The following KITLG variants were observed in gnomAD, a reference collection of about 807,000 sequenced individuals.
KITLG encodes the protein c-Kit ligand.
Under a neutral mutation model 34.1 loss-of-function variants are expected in KITLG, and 13 were observed. The ratio of observed to expected loss-of-function variants is 0.38; its 90% CI spans 0.25 to 0.61. The LOEUF is 0.61. Ranked by LOEUF, KITLG falls within the 20% of genes least tolerant of loss-of-function variation. The pLI, the probability that KITLG is intolerant of heterozygous loss-of-function variation, is 0.60. For missense variants in KITLG, 292 were observed against 318.9 expected (o/e 0.92, Z 0.64); for synonymous variants, 110 against 104.0 (o/e 1.06, Z -0.35).
chr12:88,503,353 G>A (rs1207513257), intron 9 of KITLG, among the ~76,000 whole-genome samples: 2 of 152,206 alleles, frequency 1.3e-5, no homozygotes, highest in Non-Finnish European at 2.9e-5. Flanking sequence ...TGGGACAGGA[G>A]TTAAAGCTGG....
intron 1 of KITLG, among the ~76,000 whole-genome samples, chr12:88,557,883 A>T (rs1411510798): frequency 6.6e-6 from 1 of 152,326 alleles, no homozygotes; most frequent in East Asian, 1.9e-4. Flanking sequence ...AGGGTTGTAC[A>T]TCACCCTGAT....
chr12:88,541,569 A>T (rs1870519551), intron 2 of KITLG, among the ~76,000 whole-genome samples: 1 of 152,162 alleles, frequency 6.6e-6, no homozygotes, highest in Admixed American at 6.6e-5. Context: ...AACTACTAAA[A>T]TCTGCAACCT....
At chr12:88,506,935 A>T in intron 7 of KITLG, 93 bp downstream of exon 7, 1 of 800,790 alleles carries the variant, frequency 1.2e-6, no homozygotes, top group Non-Finnish European at 2.2e-6. Flanking sequence ...GGTAGAATTC[A>T]CTGTTTTCTT....
rs1316096402 is a variant in KITLG at position 88,495,193 on chromosome 12, A to T, written c.*2026T>A. The T allele has an allele frequency of 6.6e-6, 1 of 152,086 alleles. No individual in the cohort carries two copies. Among genetic ancestry groups the T allele is most frequent in the Non-Finnish European group, 1.5e-5 (1 of 67,968 alleles). The allele number at this position is 152,086 out of a possible 1,614,324, so 9.4% of individuals were successfully genotyped here. A position where few individuals can be genotyped will look rare whatever the true frequency, so the allele number is the denominator to read the frequency against. ...GGTTTGAGGACAAAAGTACACATTT[A>T]TTATACTCTTAAGCACATTAAGCAG... On this transcript the variant is annotated 3_prime_UTR_variant, in exon 10 of 10. Transcript: ENST00000644744.
At chr12:88,549,535 T>G in intron 1 of KITLG, among the ~76,000 whole-genome samples, 1 of 152,140 alleles carries the variant, frequency 6.6e-6, no homozygotes. Context: ...AAGATGACTA[T>G]AAGAACTTTG....
Position 88,494,011 on chromosome 12 carries a change from T to G in KITLG, c.*3208A>C. 6.6e-6 allele frequency: 1 copy of G among 151,888 alleles called. No homozygotes were observed. The allele number at this position is 151,888 out of a possible 1,614,324, so 9.4% of individuals were successfully genotyped here. A position where few individuals can be genotyped will look rare whatever the true frequency, so the allele number is the denominator to read the frequency against. ...AGAATCCAGAGTTGGATATTTTGTA[T>G]GGGTTAGTTTCAATGCTATTTTGTC... On this transcript the variant is annotated 3_prime_UTR_variant, in exon 10 of 10. Transcript: ENST00000644744.
At chr12:88,577,270 A>C (rs1015962210) in intron 1 of KITLG, among the ~76,000 whole-genome samples, 2 of 152,152 alleles carry the variant, frequency 1.3e-5, no homozygotes, top group African/African-American at 4.8e-5. Context: ...TTAGCATTCT[A>C]TTTGCTTATT....
intron 1 of KITLG, among the ~76,000 whole-genome samples, chr12:88,559,356 C>A (rs1189552020): frequency 1.3e-5 from 2 of 152,136 alleles, no homozygotes; most frequent in South Asian, 4.1e-4. Flanking sequence ...GTTGGTACTG[C>A]GGGCAGCAAG....
intron 3 of KITLG, among the ~76,000 whole-genome samples, chr12:88,530,351 C>T (rs74323079): frequency 3.9e-5 from 6 of 152,116 alleles, no homozygotes; most frequent in Admixed American, 6.6e-5. Context: ...AATACTTTTG[C>T]GCTGTAAAGC....
chr12:88,500,077 C>T (rs980621951), intron 9 of KITLG, among the ~76,000 whole-genome samples: 2 of 152,200 alleles, frequency 1.3e-5, no homozygotes, highest in Admixed American at 1.3e-4. Context: ...CCGATGCTCA[C>T]CCTTTCTTCT....
At chr12:88,559,902 C>T (rs1871241430) in intron 1 of KITLG, among the ~76,000 whole-genome samples, 1 of 152,188 alleles carries the variant, frequency 6.6e-6, no homozygotes, top group South Asian at 2.1e-4. Context: ...TAACAATACT[C>T]TACAACTGCA....
chr12:88,558,259 A>G (rs1871166548), intron 1 of KITLG, among the ~76,000 whole-genome samples: 1 of 152,170 alleles, frequency 6.6e-6, no homozygotes, highest in Non-Finnish European at 1.5e-5. Context: ...ATAAATAAAT[A>G]AATAAATAAA....
In KITLG at chr12:88,550,986, T is replaced by A. The variant is rs78612523; in HGVS notation, c.16-5121A>T. Among the ~76,000 whole-genome samples the A allele has an allele frequency of 2.2e-4, 33 of 152,286 alleles. 1 individual carries two copies. In the East Asian group the frequency reaches 5.2e-3, roughly 24 times the overall value. On this transcript the variant is annotated intron_variant, in intron 1 of 9. Transcript: ENST00000644744. The stretch of plus-strand genomic sequence containing the variant: ...TAAATTTTTTTTGCATCAGTTAAAT[T>A]CAAATATCTTACAAAGACACAGTTT...
intron 3 of KITLG, among the ~76,000 whole-genome samples, chr12:88,523,349 G>A (rs955318359): frequency 7.2e-5 from 11 of 152,150 alleles, no homozygotes; most frequent in African/African-American, 2.2e-4. Context: ...ACAGAAACGC[G>A]AGAAACCAGG....
Position 88,516,348 on chromosome 12 carries a change from A to C in KITLG, c.506T>G (p.Leu169Ter). ...ETSDCVVSST[L>*]SPEKDSRVSV... ...ACATGTCTTACCTTTCTCAGGACTTAATGTTGAAGAAACCACACAATCACT... is the reference window on the plus strand; with the variant it reads ...ACATGTCTTACCTTTCTCAGGACTTCATGTTGAAGAAACCACACAATCACT... The change falls in exon 5 of 10, where the codon TTA (leucine) becomes TGA (stop). Residue 169 changes from leucine (L) to a stop codon, truncating the protein, a stop_gained. Transcript: ENST00000644744. LOFTEE classifies it high-confidence loss of function. 1.2e-6 allele frequency: 2 copies of C among 1,610,822 alleles called. No individual in the cohort carries two copies. The highest frequency in any genetic ancestry group is 1.7e-6 in the Non-Finnish European group (2 of 1,177,626).
At chr12:88,536,722 A>G (rs1428637980) in intron 2 of KITLG, among the ~76,000 whole-genome samples, 1 of 152,170 alleles carries the variant, frequency 6.6e-6, no homozygotes, top group African/African-American at 2.4e-5. Context: ...TTCTCAGTAA[A>G]CTAACACAAC....
intron 2 of KITLG, 59 bp from the exon 3 acceptor site, chr12:88,532,562 T>C (rs1184399142): frequency 1.0e-5 from 12 of 1,145,574 alleles, no homozygotes; most frequent in Non-Finnish European, 1.6e-5. Context: ...TTAATCATAT[T>C]TGTAGTGCTT....
intron 6 of KITLG, among the ~76,000 whole-genome samples, chr12:88,511,114 C>T (rs549418391): frequency 5.9e-5 from 9 of 152,076 alleles, no homozygotes; most frequent in Non-Finnish European, 1.3e-4. Flanking sequence ...AGAAGGCTGT[C>T]CATTCATCTT....
chr12:88,532,603 T>C, intron 2 of KITLG, 100 bp from the exon 3 acceptor site: 1 of 802,852 alleles, frequency 1.2e-6, no homozygotes. Context: ...TGTTGTGCTT[T>C]TTAAAGTTAC....
Sources: allele counts gnomAD v4.1 joint callset (sites outside exome capture counted in the v4.1 genomes callset), GRCh38; gene constraint gnomAD v4.1.1; transcripts MANE v1.5; gene names NCBI Gene and HGNC (gene_info 2026-07-23, HGNC 2026-07-21).